Variants in LDHC observed in about 807,000 individuals in gnomAD.
LDHC encodes the protein L-lactate dehydrogenase C chain.
Under a neutral mutation model 30.2 loss-of-function variants are expected in LDHC, and 20 were observed. The ratio of observed to expected loss-of-function variants is 0.66; its 90% confidence interval spans 0.47 to 0.96. The LOEUF (loss-of-function observed/expected upper bound fraction) is 0.96, where lower values mean the gene tolerates loss of function less well. Among genes scored for constraint, LDHC ranks in the 40% least tolerant of loss-of-function variants. LDHC has a pLI of 0.00. For synonymous variants in LDHC, 139 were observed against 132.7 expected (o/e 1.05, Z -0.32); for missense variants, 362 against 394.9 (o/e 0.92, Z 0.71).
At chr11:18,444,645 T>TATAC (rs1848523847) in intron 6 of LDHC, among the ~76,000 whole-genome samples, 7 of 120,596 alleles carry the variant, frequency 5.8e-5, no homozygotes, top group African/African-American at 2.2e-4. Context: ...TATATATATA[T>TATAC]ATATGCCTTA....
intron 6 of LDHC, among the ~76,000 whole-genome samples, chr11:18,442,682 A>C (rs1357202956): frequency 2.0e-5 from 1 of 50,158 alleles, no homozygotes; most frequent in African/African-American, 6.3e-5. Flanking sequence ...TTTTTTTTTG[A>C]GACAGAGTCT....
chr11:18,428,833 C>A (rs1160269714), intron 3 of LDHC, among the ~76,000 whole-genome samples: 2 of 149,070 alleles, frequency 1.3e-5, no homozygotes, highest in Non-Finnish European at 3.0e-5. Flanking sequence ...TGAGATGGCA[C>A]CACCATACTC....
chr11:18,439,250 A>G (rs1000502270), intron 6 of LDHC, among the ~76,000 whole-genome samples: 23 of 152,314 alleles, frequency 1.5e-4, no homozygotes, highest in African/African-American at 5.5e-4. Context: ...GTCAAGTTAC[A>G]TATTAGTAGA....
At chr11:18,426,420 G>C (rs1040574499) in intron 3 of LDHC, among the ~76,000 whole-genome samples, 1 of 151,672 alleles carries the variant, frequency 6.6e-6, no homozygotes, top group Non-Finnish European at 1.5e-5. Context: ...CCAGATACTT[G>C]GGAGGCTGAA....
chr11:18,441,395 G>A (rs188322259), intron 6 of LDHC, among the ~76,000 whole-genome samples: 3 of 151,486 alleles, frequency 2.0e-5, no homozygotes, highest in African/African-American at 4.8e-5. Flanking sequence ...TCTGCACTCC[G>A]CCTCCCGGGT....
chr11:18,432,368 T>C (rs1848281813), intron 4 of LDHC, among the ~76,000 whole-genome samples: 1 of 152,246 alleles, frequency 6.6e-6, no homozygotes, highest in African/African-American at 2.4e-5. Context: ...TTGAGGCTCA[T>C]TTTATGGCCT....
At chr11:18,423,891 A>G (rs1201764237) in intron 3 of LDHC, among the ~76,000 whole-genome samples, 1 of 152,178 alleles carries the variant, frequency 6.6e-6, no homozygotes, top group Non-Finnish European at 1.5e-5. Flanking sequence ...AGCCTTCAAT[A>G]ATTTACAAAA....
At chr11:18,429,574 G>C (rs551127224) in intron 3 of LDHC, among the ~76,000 whole-genome samples, 163 bp from the exon 4 acceptor site, 19 of 152,310 alleles carry the variant, frequency 1.2e-4, no homozygotes, top group African/African-American at 4.3e-4. Flanking sequence ...GCTTCCTTCA[G>C]ATTATAAAGG....
intron 3 of LDHC, among the ~76,000 whole-genome samples, chr11:18,424,789 C>T (rs1396916726): frequency 2.6e-5 from 4 of 152,322 alleles, no homozygotes; most frequent in African/African-American, 9.6e-5. Flanking sequence ...GGGCGGATCA[C>T]TTGAGGTCAG....
chr11:18,430,075 G>A (rs969631226), intron 4 of LDHC, among the ~76,000 whole-genome samples, 165 bp downstream of exon 4: 3 of 149,972 alleles, frequency 2.0e-5, no homozygotes, highest in Non-Finnish European at 3.0e-5. Flanking sequence ...TGAAACTACC[G>A]CCATGATCAA....
Position 18,438,491 on chromosome 11 carries a change from G to A in LDHC, c.593-37G>A, listed in dbSNP as rs775163707. The A allele has an allele frequency of 1.1e-5, 15 of 1,324,048 alleles. No individual in the cohort carries two copies. In the Admixed American group the frequency reaches 2.4e-4, roughly 21 times the overall value. The allele number at this position is 1,324,048 out of a possible 1,614,324, so 82.0% of individuals were successfully genotyped here. A position where few individuals can be genotyped will look rare whatever the true frequency, so the allele number is the denominator to read the frequency against. On this transcript the variant is annotated intron_variant, in intron 5 of 7. Coordinates refer to ENST00000541669, the MANE Select transcript of LDHC (RefSeq NM_017448.5). ...GAACTCAAACTCCTGATGCCATATT[G>A]GGAAGAAGAGTTTATTTTGAGATCT...
At chr11:18,420,582 G>C (rs1867102929) in intron 3 of LDHC, among the ~76,000 whole-genome samples, 2 of 149,834 alleles carry the variant, frequency 1.3e-5, no homozygotes, top group South Asian at 4.2e-4. Flanking sequence ...CTGGTAGCAG[G>C]CTGAGGCAGA....
At chr11:18,427,726 G>A (rs185616872) in intron 3 of LDHC, among the ~76,000 whole-genome samples, 142 of 150,604 alleles carry the variant, frequency 9.4e-4, no homozygotes, top group African/African-American at 3.0e-3. Flanking sequence ...CACTCAGGCC[G>A]GAATGCAGTG....
In LDHC at chr11:18,441,322, C is replaced by CT. The variant is rs1281501755; in HGVS notation, c.710+2687dup. ...ATCTTCTTTAGAAGGTATTTCTTTT[C>CT]TTTTTTTTTTATTTGAGATGGGGTC... On this transcript the variant is annotated intron_variant, in intron 6 of 7. Transcript: ENST00000541669. Among the ~76,000 whole-genome samples, 415 of 148,448 alleles carry CT rather than the reference C, an allele frequency of 2.8e-3. 1 individual carries two copies. The highest frequency in any genetic ancestry group is 6.9e-3 in the Middle Eastern group (2 of 290).
At chr11:18,450,755 G>T in intron 7 of LDHC, 1 of 446,284 alleles carries the variant, frequency 2.2e-6, no homozygotes, top group Non-Finnish European at 3.9e-6. Flanking sequence ...AAAGGCCTCT[G>T]GCATCTTCTT....
At chr11:18,444,710 G>T (rs528088877) in intron 6 of LDHC, among the ~76,000 whole-genome samples, 2 of 147,514 alleles carry the variant, frequency 1.4e-5, no homozygotes, top group Admixed American at 1.4e-4. Context: ...CGGGGTAGTT[G>T]TAAGACCTCC....
intron 3 of LDHC, among the ~76,000 whole-genome samples, chr11:18,422,190 G>A (rs963422376): frequency 3.3e-5 from 5 of 152,072 alleles, no homozygotes; most frequent in Non-Finnish European, 5.9e-5. Flanking sequence ...GAATTAAAAA[G>A]AAGATAGAAA....
chr11:18,439,982 ACT>A, intron 6 of LDHC, among the ~76,000 whole-genome samples: 1 of 151,100 alleles, frequency 6.6e-6, no homozygotes, highest in East Asian at 1.9e-4. Context: ...ACAGAGCAAG[ACT>A]CTGTCTCAGA....
intron 6 of LDHC, among the ~76,000 whole-genome samples, chr11:18,440,365 T>C (rs1407675771): frequency 6.6e-6 from 1 of 151,932 alleles, no homozygotes; most frequent in East Asian, 1.9e-4. Flanking sequence ...CAAAAATGTG[T>C]AAGAATTAGG....
Sources: allele counts gnomAD v4.1 joint callset (sites outside exome capture counted in the v4.1 genomes callset), GRCh38; gene constraint gnomAD v4.1.1; transcripts MANE v1.5; gene names NCBI Gene and HGNC (gene_info 2026-07-23, HGNC 2026-07-21).